Variants in KSR2 observed in about 807,000 individuals in gnomAD.
KSR2 encodes kinase suppressor of ras 2.
A neutral mutation model predicts 107.8 loss-of-function variants in KSR2; 25 were observed. That is an observed-to-expected ratio of 0.23 (90% CI 0.17 to 0.32). KSR2 has a LOEUF of 0.32. Among genes scored for constraint, KSR2 ranks in the 10% least tolerant of loss-of-function variants. KSR2 has a pLI of 1.00. For missense variants in KSR2, 887 were observed against 1,268.9 expected, an observed-to-expected ratio of 0.70 and a Z score of 4.57; for synonymous variants, 480 against 507.0, an observed-to-expected ratio of 0.95 and a Z score of 0.71.
At chr12:117,720,047 C>G (rs1887146098) in intron 4 of KSR2, among the ~76,000 whole-genome samples, 1 of 152,198 alleles carries the variant, frequency 6.6e-6, no homozygotes, top group Non-Finnish European at 1.5e-5. Context: ...AGTTTGGAAG[C>G]TTGGGAGAGA....
rs575496323 is a variant in KSR2, at chr12:117,809,700, G to A, written c.472+45728C>T. On this transcript the variant is annotated intron_variant, in intron 3 of 19. Coordinates refer to ENST00000339824, the MANE Select transcript of KSR2 (RefSeq NM_173598.6). ...TGCTGGCTGTCTCCCCAGCTTGCAC[G>A]TAAGTCTCACATGAGCAGAGGCCTT... 1.5e-3 allele frequency among the ~76,000 whole-genome samples: 234 copies of A among 152,302 alleles called. 1 individual carries two copies. Among genetic ancestry groups the A allele is most frequent in the African/African-American group, 5.3e-3 (220 of 41,556 alleles).
At chr12:117,857,086 G>A (rs1477844472) in intron 2 of KSR2, among the ~76,000 whole-genome samples, 1 of 151,900 alleles carries the variant, frequency 6.6e-6, no homozygotes, top group Non-Finnish European at 1.5e-5. Flanking sequence ...TAGAGACAGG[G>A]TCTCCCTCTG....
chr12:117,656,981 G>GAGATATATATATATTAGGAT (rs1254292550), intron 5 of KSR2, among the ~76,000 whole-genome samples: 1 of 98,210 alleles, frequency 1.0e-5, no homozygotes, highest in Non-Finnish European at 1.9e-5. Context: ...TATATAATAG[G>GAGATATATATATATTAGGAT]ATATATATAT....
At chr12:117,565,451 A>G (rs1187039678) in intron 7 of KSR2, among the ~76,000 whole-genome samples, 1 of 152,040 alleles carries the variant, frequency 6.6e-6, no homozygotes, top group East Asian at 1.9e-4. Context: ...TACACAACCC[A>G]TTTCCCCTGA....
intron 4 of KSR2, among the ~76,000 whole-genome samples, chr12:117,709,168 T>A (rs1886651132): frequency 6.6e-6 from 1 of 152,152 alleles, no homozygotes; most frequent in African/African-American, 2.4e-5. Context: ...TGCAGACATC[T>A]TTGGGGGAGC....
chr12:117,702,016 T>C (rs906245344), intron 4 of KSR2, among the ~76,000 whole-genome samples: 3 of 152,232 alleles, frequency 2.0e-5, no homozygotes, highest in Non-Finnish European at 2.9e-5. Context: ...CCATGTGATC[T>C]GGCCCTTCCC....
At chr12:117,834,079 T>C (rs1892094499) in intron 3 of KSR2, among the ~76,000 whole-genome samples, 1 of 151,270 alleles carries the variant, frequency 6.6e-6, no homozygotes, top group Non-Finnish European at 1.5e-5. Flanking sequence ...AGGCAAAGGT[T>C]GCAGTGAGCC....
At chr12:117,796,859 GC>G (rs1373003893) in intron 3 of KSR2, among the ~76,000 whole-genome samples, 1 of 152,136 alleles carries the variant, frequency 6.6e-6, no homozygotes, top group African/African-American at 2.4e-5. Context: ...CTGCTGCCCA[GC>G]CTCCAAAATG....
At chr12:117,632,094 T>C (rs993525020) in intron 5 of KSR2, among the ~76,000 whole-genome samples, 8 of 152,196 alleles carry the variant, frequency 5.3e-5, no homozygotes, top group African/African-American at 9.7e-5. Flanking sequence ...GAGAGGCTAG[T>C]TGTCTATTAA....
chr12:117,639,629 GTATTATTAT>G (rs5801245), intron 5 of KSR2, among the ~76,000 whole-genome samples: 13 of 137,878 alleles, frequency 9.4e-5, no homozygotes, highest in African/African-American at 3.0e-4. Flanking sequence ...CGCACCCAGC[GTATTATTAT>G]TATTATTATT....
intron 4 of KSR2, among the ~76,000 whole-genome samples, chr12:117,733,809 G>GT (rs11429325): frequency 0.075 from 11,361 of 152,186 alleles, 1,440 homozygotes; most frequent in African/African-American, 0.26. Flanking sequence ...AGGAAGGCTG[G>GT]TTTTTTGCAA....
chr12:117,519,716 A>C (rs1262703875), intron 14 of KSR2, among the ~76,000 whole-genome samples: 1 of 152,020 alleles, frequency 6.6e-6, no homozygotes, highest in Non-Finnish European at 1.5e-5. Flanking sequence ...AGAGAACAGG[A>C]GAGAAAGAAG....
intron 1 of KSR2, among the ~76,000 whole-genome samples, chr12:117,957,098 T>C (rs753696093): frequency 1.3e-5 from 2 of 152,246 alleles, no homozygotes; most frequent in Non-Finnish European, 2.9e-5. Context: ...TCTAATCACA[T>C]CATTACCATT....
At chr12:117,832,632 G>A (rs996177134) in intron 3 of KSR2, among the ~76,000 whole-genome samples, 1 of 152,226 alleles carries the variant, frequency 6.6e-6, no homozygotes, top group East Asian at 1.9e-4. Flanking sequence ...GAGCAAGCTG[G>A]AGGCAGGATG....
At chr12:117,640,025 T>A (rs1278144542) in intron 5 of KSR2, among the ~76,000 whole-genome samples, 1 of 152,080 alleles carries the variant, frequency 6.6e-6, no homozygotes, top group Non-Finnish European at 1.5e-5. Context: ...AAACTGAGTC[T>A]CAGGGAGGTT....
At chr12:117,807,330 C>T (rs1273548843) in intron 3 of KSR2, among the ~76,000 whole-genome samples, 2 of 152,070 alleles carry the variant, frequency 1.3e-5, no homozygotes, top group East Asian at 1.9e-4. Context: ...TTAGATGCAG[C>T]GTATAAAAAA....
Position 117,578,984 on chromosome 12 carries a change from T to C in KSR2, c.1325+135A>G, listed in dbSNP as rs896350821. The C allele has an allele frequency of 4.3e-6, 3 of 700,874 alleles. No homozygotes were observed. In the African/African-American group the frequency reaches 5.3e-5, roughly 12 times the overall value. 43.4% of individuals were successfully genotyped at this position (700,874 alleles called of 1,614,324 possible). ...CCCAAACTTACAGGTGCATTTCCAA[T>C]CTATTTCTGAAAAACAAAGCAAACA... On this transcript the variant is annotated intron_variant, in intron 7 of 19. Transcript: ENST00000339824.
chr12:117,820,154 A>G (rs184593476), intron 3 of KSR2, among the ~76,000 whole-genome samples: 238 of 152,346 alleles, frequency 1.6e-3, no homozygotes, highest in Non-Finnish European at 2.8e-3. Flanking sequence ...CAATAACTAG[A>G]AGACAGCTAA....
intron 1 of KSR2, among the ~76,000 whole-genome samples, chr12:117,900,062 T>C (rs923080253): frequency 6.6e-6 from 1 of 152,232 alleles, no homozygotes; most frequent in Non-Finnish European, 1.5e-5. Flanking sequence ...TGTATCCTTG[T>C]GAGACACTAA....
Sources: gnomAD v4.1 joint callset for allele counts (sites outside exome capture counted in the v4.1 genomes callset) on GRCh38, gnomAD v4.1.1 for gene constraint, MANE v1.5 for transcripts, NCBI Gene and HGNC (gene_info 2026-07-23, HGNC 2026-07-21) for gene names.